Variants in RAB5A observed in about 807,000 individuals in gnomAD.
RAB5A encodes ras-related protein Rab-5A.
In RAB5A, 8 loss-of-function variants were observed where a neutral mutation model predicts 25.7. The ratio of observed to expected loss-of-function variants is 0.31; its 90% CI spans 0.18 to 0.56. RAB5A has a LOEUF of 0.56. RAB5A is among the 20% of genes least tolerant of loss of function. The pLI, the probability that RAB5A is intolerant of heterozygous loss-of-function variation, is 0.91. For synonymous variants in RAB5A, 98 were observed against 89.8 expected (o/e 1.09, Z -0.52); for missense variants, 192 against 259.7 (o/e 0.74, Z 1.79).
chr3:19,981,370 G>A (rs1696923737), intron 5 of RAB5A, among the ~76,000 whole-genome samples: 1 of 152,114 alleles, frequency 6.6e-6, no homozygotes, highest in South Asian at 2.1e-4. Flanking sequence ...AGCACTTTGG[G>A]AGGCCAAGGC....
chr3:19,951,581 A>G (rs1696422733), intron 2 of RAB5A, among the ~76,000 whole-genome samples: 1 of 152,028 alleles, frequency 6.6e-6, no homozygotes, highest in African/African-American at 2.4e-5. Context: ...GCTGGAGTGC[A>G]GTGTCCGGAT....
chr3:19,956,428 TG>T (rs1696503534), intron 2 of RAB5A, among the ~76,000 whole-genome samples: 2 of 152,310 alleles, frequency 1.3e-5, no homozygotes, highest in South Asian at 4.1e-4. Flanking sequence ...CACTCCAGCC[TG>T]GGCGACAGGG....
At chr3:19,980,711 A>G (rs769555845) in intron 5 of RAB5A, among the ~76,000 whole-genome samples, 1 of 152,174 alleles carries the variant, frequency 6.6e-6, no homozygotes, top group Non-Finnish European at 1.5e-5. Flanking sequence ...CCCAGGTACC[A>G]GTGTTCAACA....
chr3:19,976,507 GA>G (rs1267192571), intron 4 of RAB5A, among the ~76,000 whole-genome samples: 1 of 152,124 alleles, frequency 6.6e-6, no homozygotes, highest in Non-Finnish European at 1.5e-5. Flanking sequence ...CCAACTTGGA[GA>G]AACCCTGTCT....
chr3:19,970,121 T>A (rs1275924868), intron 2 of RAB5A, among the ~76,000 whole-genome samples: 1 of 151,096 alleles, frequency 6.6e-6, no homozygotes, highest in Non-Finnish European at 1.5e-5. Flanking sequence ...AGGCTGGCCT[T>A]GAATTCCAGA....
chr3:19,977,136 A>G (rs1575076706), intron 4 of RAB5A, among the ~76,000 whole-genome samples: 3 of 148,898 alleles, frequency 2.0e-5, no homozygotes, highest in East Asian at 2.0e-4. Context: ...CAGTGGCGCA[A>G]TCTCAAGCTC....
At chr3:19,973,862 T>G (rs921457602) in intron 2 of RAB5A, among the ~76,000 whole-genome samples, 1 of 152,194 alleles carries the variant, frequency 6.6e-6, no homozygotes, top group Non-Finnish European at 1.5e-5. Context: ...TCATTAGACT[T>G]TGTTTCTTTA....
chr3:19,950,929 G>A lies in RAB5A; in HGVS notation c.31G>A (p.Gly11Arg), dbSNP rs1247949373. 6.2e-7 allele frequency: 1 copy of A among 1,613,030 alleles called. No individual in the cohort carries two copies. Among genetic ancestry groups the A allele is most frequent in the Non-Finnish European group, 8.5e-7 (1 of 1,179,606 alleles). The change falls in exon 2 of 6, where the codon GGG (glycine) becomes AGG (arginine). Residue 11 changes from glycine to arginine, a missense_variant. Gly to Arg is a moderately radical substitution (Grantham distance 125). Coordinates refer to ENST00000273047, the MANE Select transcript of RAB5A (RefSeq NM_004162.5). ...TAGTCGAGGCGCAACAAGACCCAAC[G>A]GGCCAAATACGGGAAATAAAATATG... MASRGATRPN[G>R]PNTGNKICQF...
At position 19,950,052 on chromosome 3, in the gene RAB5A, T is replaced by A. The variant is rs561648046; in HGVS notation, c.-93-754T>A. ...AACCCTTTCTCCAAAAAAATTTTTT[T>A]AAAAATGGCATGTATATTGTTCGTC... On this transcript the variant is annotated intron_variant, in intron 1 of 5. Coordinates refer to ENST00000273047, the MANE Select transcript of RAB5A (RefSeq NM_004162.5). 3.3e-5 allele frequency among the ~76,000 whole-genome samples: 5 copies of A among 152,258 alleles called. No individual in the cohort carries two copies. In the East Asian group the frequency reaches 7.7e-4, roughly 23 times the overall value.
chr3:19,982,763 T>TA (rs62910362), intron 5 of RAB5A, among the ~76,000 whole-genome samples: 137 of 139,844 alleles, frequency 9.8e-4, no homozygotes, highest in East Asian at 2.3e-3. Context: ...CCTTGTCTCT[T>TA]AAAAAAAAAA....
At chr3:19,979,639 G>A (rs939012462) in intron 5 of RAB5A, among the ~76,000 whole-genome samples, 1 of 152,112 alleles carries the variant, frequency 6.6e-6, no homozygotes, top group African/African-American at 2.4e-5. Context: ...TAATGAAGTT[G>A]GAGTAGTAAT....
chr3:19,971,762 A>G (rs911053003), intron 2 of RAB5A, among the ~76,000 whole-genome samples: 31 of 152,154 alleles, frequency 2.0e-4, no homozygotes, highest in African/African-American at 7.5e-4. Context: ...GGTGGAAGCC[A>G]CCGCACCTGG....
At position 19,950,956 on chromosome 3, in the gene RAB5A, C is replaced by G. The variant is rs778287571; in HGVS notation, c.58C>G (p.Gln20Glu). ...NGPNTGNKIC[Q>E]FKLVLLGESA... ...GCCAAATACGGGAAATAAAATATGC[C>G]AGTTCAAACTAGTACTTCTGGGAGA... The change falls in exon 2 of 6, where the codon CAG (glutamine) becomes GAG (glutamate). Residue 20 changes from glutamine to glutamate, a missense_variant. Physicochemically the swap from Gln to Glu is conservative, Grantham distance 29. Around this residue, in one of 3 missense-constraint regions of RAB5A, gnomAD observed 32 missense variants for 32.4 expected, o/e 0.99. Transcript: ENST00000273047. The G allele has an allele frequency of 1.2e-6, 2 of 1,613,904 alleles. No homozygotes were observed. The highest frequency in any genetic ancestry group is 2.2e-5 in the South Asian group (2 of 91,068).
chr3:19,974,712 C>T (rs1445213155), intron 2 of RAB5A, among the ~76,000 whole-genome samples: 2 of 63,026 alleles, frequency 3.2e-5, no homozygotes, highest in Non-Finnish European at 7.4e-5. Context: ...TAGAGCAAGA[C>T]TGTGTCTCAG....
intron 2 of RAB5A, among the ~76,000 whole-genome samples, chr3:19,969,259 G>A (rs906308009): frequency 1.3e-5 from 2 of 151,900 alleles, no homozygotes; most frequent in Admixed American, 1.3e-4. Flanking sequence ...TTCCTGGCTG[G>A]TCTTGAACTC....
intron 2 of RAB5A, among the ~76,000 whole-genome samples, chr3:19,973,746 T>A (rs1272014475): frequency 6.6e-6 from 1 of 152,184 alleles, no homozygotes; most frequent in Non-Finnish European, 1.5e-5. Context: ...TACAGTATTG[T>A]TTGCAAAATT....
chr3:19,967,311 A>G (rs551360087), intron 2 of RAB5A, among the ~76,000 whole-genome samples: 4 of 152,104 alleles, frequency 2.6e-5, no homozygotes, highest in Admixed American at 2.6e-4. Context: ...CGTCCAGCTG[A>G]TTTTTGTGTT....
chr3:19,954,995 C>A (rs1427702892), intron 2 of RAB5A, among the ~76,000 whole-genome samples: 1 of 152,072 alleles, frequency 6.6e-6, no homozygotes, highest in Non-Finnish European at 1.5e-5. Flanking sequence ...TAAAGTTAGC[C>A]CAGAGATTAG....
chr3:19,966,549 G>A (rs886356360), intron 2 of RAB5A, among the ~76,000 whole-genome samples: 1 of 152,146 alleles, frequency 6.6e-6, no homozygotes, highest in African/African-American at 2.4e-5. Flanking sequence ...TTGGATGTAT[G>A]CCCGTAAGAG....
Sources: allele counts gnomAD v4.1 joint callset (sites outside exome capture counted in the v4.1 genomes callset), GRCh38; gene constraint gnomAD v4.1.1; regional missense constraint gnomAD v4.1.1; transcripts MANE v1.5; gene names NCBI Gene and HGNC (gene_info 2026-07-23, HGNC 2026-07-21).